DYNC2H1: variants seen among roughly 807,000 people sequenced by gnomAD.
The protein encoded by DYNC2H1 is dynein cytoplasmic 2 heavy chain 1.
A neutral mutation model predicts 570.0 loss-of-function variants in DYNC2H1; 410 were observed. That is an observed-to-expected ratio of 0.72 (90% CI 0.66 to 0.78). DYNC2H1 has a LOEUF of 0.78. DYNC2H1 is among the 30% of genes least tolerant of loss of function. The pLI, the probability that DYNC2H1 is intolerant of heterozygous loss-of-function variation, is 0.00. For missense variants in DYNC2H1, 4,865 were observed against 5,046.4 expected (o/e 0.96, Z 1.09); for synonymous variants, 1,688 against 1,677.6 (o/e 1.01, Z -0.15).
Position 103,245,902 on chromosome 11 carries a change from G to A in DYNC2H1, c.10042+528G>A, listed in dbSNP as rs1864594976. Among the ~76,000 whole-genome samples, 1 of 152,124 alleles carries A rather than the reference G, an allele frequency of 6.6e-6. No individual in the cohort carries two copies. The highest frequency in any genetic ancestry group is 6.6e-5 in the Admixed American group (1 of 15,250). On this transcript the variant is annotated intron_variant, in intron 65 of 88. Coordinates refer to ENST00000375735, the MANE Select transcript of DYNC2H1 (RefSeq NM_001377.3). This position sits in a 1 kb window ranked among gnomAD's most constrained non-coding sequence, Gnocchi z 4.5. ...AAACTTAAAGAGCATATCATGCAAAGTGTATACACATACATATGTAGACGT... is the reference window on the plus strand; with the variant it reads ...AAACTTAAAGAGCATATCATGCAAAATGTATACACATACATATGTAGACGT...
intron 84 of DYNC2H1, among the ~76,000 whole-genome samples, chr11:103,417,548 AT>A (rs1446899240): frequency 6.6e-6 from 1 of 152,104 alleles, no homozygotes; most frequent in Non-Finnish European, 1.5e-5. Flanking sequence ...ATAATGCATC[AT>A]CCCCACAATA....
rs1865416022 is a variant in DYNC2H1, at chr11:103,264,029, A to G, written c.10695+4052A>G. ...AAAAAATGATAAAGGGGATATCACCACCGATCCCACAGAAATACAAACTAC... is the reference window on the plus strand; with the variant it reads ...AAAAAATGATAAAGGGGATATCACCGCCGATCCCACAGAAATACAAACTAC... On this transcript the variant is annotated intron_variant, in intron 70 of 88. Coordinates refer to ENST00000375735, the MANE Select transcript of DYNC2H1 (RefSeq NM_001377.3). This position sits in a 1 kb window ranked among gnomAD's most constrained non-coding sequence, Gnocchi z 4.8. Among the ~76,000 whole-genome samples, 1 of 152,314 alleles carries G rather than the reference A, an allele frequency of 6.6e-6. No homozygotes were observed. Among genetic ancestry groups the G allele is most frequent in the South Asian group, 2.1e-4 (1 of 4,832 alleles).
chr11:103,473,352 T>A (rs951341706), intron 88 of DYNC2H1, among the ~76,000 whole-genome samples: 1 of 150,188 alleles, frequency 6.7e-6, no homozygotes, highest in Non-Finnish European at 1.5e-5. Context: ...AGTGGCTCCA[T>A]GATACAGATT....
chr11:103,199,406 G>GA lies in DYNC2H1; in HGVS notation c.8019dup (p.Ala2674SerfsTer13). On this transcript the variant is annotated frameshift_variant, in exon 49 of 89. Coordinates refer to ENST00000375735, the MANE Select transcript of DYNC2H1 (RefSeq NM_001377.3). LOFTEE classifies it high-confidence loss of function. The surrounding 1 kb of genome is among the most constrained non-coding windows in gnomAD (Gnocchi z 4.6). The stretch of plus-strand genomic sequence containing the variant: ...ACTTCTTTAGTCAGTCACATGCATG[G>GA]AGCGGTCCTGTTTTCTCCAAAGATT... 1 of 1,612,772 alleles carries GA rather than the reference G, an allele frequency of 6.2e-7. No individual in the cohort carries two copies. The highest frequency in any genetic ancestry group is 8.5e-7 in the Non-Finnish European group (1 of 1,179,466).
In DYNC2H1 at chr11:103,143,281, TTG is replaced by T; in HGVS notation, c.2589_2590del (p.Ile863MetfsTer4). The T allele has an allele frequency of 6.2e-7, 1 of 1,613,386 alleles. No individual in the cohort carries two copies. The highest frequency in any genetic ancestry group is 8.5e-7 in the Non-Finnish European group (1 of 1,179,594). ...TTCTTTAAATAGGAATGGATTGTAA[TTG>T]GGCAAGTTGATATGGAAGCTCTGGT... On this transcript the variant is annotated frameshift_variant, in exon 18 of 89. Transcript: ENST00000375735. LOFTEE classifies it high-confidence loss of function.
intron 83 of DYNC2H1, among the ~76,000 whole-genome samples, chr11:103,365,471 C>T (rs1254402572): frequency 6.6e-6 from 1 of 152,110 alleles, no homozygotes; most frequent in African/African-American, 2.4e-5. Flanking sequence ...ACTTTAATTC[C>T]TATTGGGCTG....
Position 103,174,273 on chromosome 11 carries a change from G to T in DYNC2H1, c.5674+103G>T, listed in dbSNP as rs534653764. On this transcript the variant is annotated intron_variant, in intron 36 of 88. Coordinates refer to ENST00000375735, the MANE Select transcript of DYNC2H1 (RefSeq NM_001377.3). Reference sequence around the variant, plus strand: ...GAAAAGTTGTAGATACAATATTAAGGATTACTGTATACCCTGCCCCAATTT... The same window carrying T: ...GAAAAGTTGTAGATACAATATTAAGTATTACTGTATACCCTGCCCCAATTT... 6 of 934,230 alleles carry T rather than the reference G, an allele frequency of 6.4e-6. No individual in the cohort carries two copies. In the African/African-American group the frequency reaches 9.9e-5, roughly 15 times the overall value. The allele number at this position is 934,230 out of a possible 1,614,324, so 57.9% of individuals were successfully genotyped here.
chr11:103,401,158 G>T (rs1012454304), intron 84 of DYNC2H1, among the ~76,000 whole-genome samples: 3 of 152,144 alleles, frequency 2.0e-5, no homozygotes, highest in Non-Finnish European at 4.4e-5. Flanking sequence ...TGATGAATTT[G>T]AGGCAGTGGG....
intron 17 of DYNC2H1, among the ~76,000 whole-genome samples, chr11:103,138,119 G>C (rs1859677979): frequency 6.6e-6 from 1 of 151,912 alleles, no homozygotes. Flanking sequence ...AGCTTAAGGA[G>C]ATTTTGGGCT....
In DYNC2H1 at chr11:103,319,322, T is replaced by C. The variant is rs1024197025; in HGVS notation, c.11726-1707T>C. ...TTTCTGACATGAAGGAACTTCCACA[T>C]GTATAGAATTAAATGCCAAAAAAGA... On this transcript the variant is annotated intron_variant, in intron 80 of 88. Coordinates refer to ENST00000375735, the MANE Select transcript of DYNC2H1 (RefSeq NM_001377.3). The surrounding 1 kb of genome is among the most constrained non-coding windows in gnomAD (Gnocchi z 4.3). Among the ~76,000 whole-genome samples the C allele has an allele frequency of 2.0e-5, 3 of 152,162 alleles. No individual in the cohort carries two copies.
intron 70 of DYNC2H1, among the ~76,000 whole-genome samples, chr11:103,269,482 G>GCAA (rs1865620220): frequency 1.3e-5 from 2 of 152,154 alleles, no homozygotes; most frequent in South Asian, 4.1e-4. Context: ...CAGCAGTATG[G>GCAA]CAACAGTAGA....
At chr11:103,411,015 GA>G (rs1172174913) in intron 84 of DYNC2H1, among the ~76,000 whole-genome samples, 2 of 152,108 alleles carry the variant, frequency 1.3e-5, no homozygotes, top group Non-Finnish European at 2.9e-5. Flanking sequence ...CTGGGGTGGG[GA>G]TGCTTGCATG....
At chr11:103,308,868 C>T (rs1362982852) in intron 78 of DYNC2H1, among the ~76,000 whole-genome samples, 6 of 151,850 alleles carry the variant, frequency 4.0e-5, no homozygotes, top group African/African-American at 1.2e-4. Flanking sequence ...ATTAATAGTT[C>T]ATTATATATT....
chr11:103,372,483 G>T (rs201715472), intron 83 of DYNC2H1, among the ~76,000 whole-genome samples: 3 of 152,076 alleles, frequency 2.0e-5, no homozygotes, highest in Non-Finnish European at 4.4e-5. Flanking sequence ...TGTGTCTGTT[G>T]AAATGATCAT....
At chr11:103,321,604 A>T (rs1183090569) in intron 81 of DYNC2H1, among the ~76,000 whole-genome samples, 1 of 152,172 alleles carries the variant, frequency 6.6e-6, no homozygotes, top group Non-Finnish European at 1.5e-5. Flanking sequence ...AAGAAGACAA[A>T]TATTATTTAA....
intron 75 of DYNC2H1, among the ~76,000 whole-genome samples, chr11:103,296,672 G>A (rs116042425): frequency 0.013 from 1,893 of 151,368 alleles, 40 homozygotes; most frequent in African/African-American, 0.043. Flanking sequence ...CTCATTTGCT[G>A]TTTTCTTCTT....
chr11:103,200,660 A>G (rs560822520), intron 50 of DYNC2H1, among the ~76,000 whole-genome samples: 16 of 152,316 alleles, frequency 1.1e-4, no homozygotes, highest in African/African-American at 3.8e-4. Flanking sequence ...ATATATGAAT[A>G]TACATATACT....
At position 103,241,475 on chromosome 11, in the gene DYNC2H1, G is replaced by A. The variant is rs1864419871; in HGVS notation, c.9820-2218G>A. ...TGAAAAACTTAAGCATGTTTTCTTT[G>A]CTAAAAACATTTTGAAATGTTACCT... On this transcript the variant is annotated intron_variant, in intron 63 of 88. Coordinates refer to ENST00000375735, the MANE Select transcript of DYNC2H1 (RefSeq NM_001377.3). The surrounding 1 kb of genome is among the most constrained non-coding windows in gnomAD (Gnocchi z 5.1). 1 of 1,532,962 alleles carries A rather than the reference G, an allele frequency of 6.5e-7. No homozygotes were observed. The highest frequency in any genetic ancestry group is 1.4e-5 in the African/African-American group (1 of 73,176). The allele number at this position is 1,532,962 out of a possible 1,614,324, so 95.0% of individuals were successfully genotyped here.
chr11:103,408,156 A>G (rs1709162), intron 84 of DYNC2H1: 77,397 of 151,550 alleles, frequency 0.51, 20,056 homozygotes, highest in African/African-American at 0.62. Flanking sequence ...CAGGGTTGGA[A>G]CAGTAATATA....
Sources: gnomAD v4.1 joint callset for allele counts (sites outside exome capture counted in the v4.1 genomes callset) on GRCh38, gnomAD v4.1.1 for gene constraint, Gnocchi (gnomAD v3.1) non-coding constraint, MANE v1.5 for transcripts, NCBI Gene and HGNC (gene_info 2026-07-23, HGNC 2026-07-21) for gene names.